The following ARMC9 variants were observed in gnomAD, a reference collection of about 807,000 sequenced individuals.
ARMC9 encodes lisH domain-containing protein ARMC9.
In ARMC9, 94 loss-of-function variants were observed where a neutral mutation model predicts 107.0. The ratio of observed to expected loss-of-function variants is 0.88; its 90% confidence interval spans 0.74 to 1.04. The LOEUF (loss-of-function observed/expected upper bound fraction) is 1.04, where lower values mean the gene tolerates loss of function less well. Ranked by LOEUF, ARMC9 falls within the 50% of genes least tolerant of loss-of-function variation. The pLI is 0.00. For missense variants in ARMC9, 942 were observed against 1,030.1 expected (o/e 0.91, Z 1.17); for synonymous variants, 380 against 396.9 (o/e 0.96, Z 0.51).
chr2:231,251,847 T>C (rs192205857), intron 9 of ARMC9, among the ~76,000 whole-genome samples: 5 of 152,262 alleles, frequency 3.3e-5, no homozygotes, highest in Admixed American at 3.3e-4. Flanking sequence ...CACCTCAGCC[T>C]CCCGAGTAGC....
At position 231,369,956 on chromosome 2, in the gene ARMC9, A is replaced by C; in HGVS notation, c.2265A>C (p.Glu755Asp). 6.6e-7 allele frequency: 1 copy of C among 1,507,880 alleles called. No individual in the cohort carries two copies. Among genetic ancestry groups the C allele is most frequent in the South Asian group, 1.2e-5 (1 of 81,034 alleles). 93.4% of individuals were successfully genotyped at this position (1,507,880 alleles called of 1,614,324 possible). ...CAGGTTGCACGTTTTGTTCTAGGGAATGTGCATCAGCCTTCACCTGCAAGC... is the reference window on the plus strand; with the variant it reads ...CAGGTTGCACGTTTTGTTCTAGGGACTGTGCATCAGCCTTCACCTGCAAGC... ...QDPGNGVTTRECASAFTCKPR... is the reference protein window; with the variant it reads ...QDPGNGVTTRDCASAFTCKPR... Residue 755 changes from glutamate (E) to aspartate (D), a missense_variant, in exon 24 of 25, where the codon GAA (glutamate) becomes GAC (aspartate). Physicochemically the swap from Glu to Asp is conservative, Grantham distance 45. Coordinates refer to ENST00000611582, the MANE Select transcript of ARMC9 (RefSeq NM_001352754.2).
intron 21 of ARMC9, among the ~76,000 whole-genome samples, chr2:231,353,976 TATATACACACACACACAC>T (rs143918706): frequency 3.2e-5 from 4 of 125,462 alleles, no homozygotes; most frequent in African/African-American, 2.1e-4. Context: ...CATATATGTA[TATATACACACACACACAC>T]ACACACACAC....
intron 23 of ARMC9, among the ~76,000 whole-genome samples, chr2:231,369,174 G>A (rs138691982): frequency 6.6e-6 from 1 of 152,374 alleles, no homozygotes; most frequent in African/African-American, 2.4e-5. Context: ...TCACCATCTG[G>A]AGAGCGGTGG....
At chr2:231,363,126 AG>A (rs932355417) in intron 23 of ARMC9, among the ~76,000 whole-genome samples, 2 of 152,216 alleles carry the variant, frequency 1.3e-5, no homozygotes, top group African/African-American at 4.8e-5. Flanking sequence ...CAGGGAATGC[AG>A]GGCATGCAGG....
chr2:231,364,764 C>CTCCA (rs1304238789), intron 23 of ARMC9, among the ~76,000 whole-genome samples: 1 of 151,848 alleles, frequency 6.6e-6, no homozygotes, highest in African/African-American at 2.4e-5. Flanking sequence ...CACCATTGCA[C>CTCCA]TCCAGCCTGG....
chr2:231,294,643 AAG>A (rs1293958328), intron 18 of ARMC9: 1 of 153,054 alleles, frequency 6.5e-6, no homozygotes, highest in Non-Finnish European at 1.5e-5. Flanking sequence ...GAGGCAGAGA[AAG>A]AGAAGCGTGG....
At chr2:231,309,953 A>G (rs1358373029) in intron 19 of ARMC9, among the ~76,000 whole-genome samples, 1 of 152,160 alleles carries the variant, frequency 6.6e-6, no homozygotes, top group Non-Finnish European at 1.5e-5. Context: ...CATCCATGTT[A>G]TGTAAAATAT....
chr2:231,286,671 A>G (rs2040610860), intron 17 of ARMC9, among the ~76,000 whole-genome samples: 1 of 152,214 alleles, frequency 6.6e-6, no homozygotes, highest in African/African-American at 2.4e-5. Context: ...ATTAATATCT[A>G]TTGAAGATGA....
At chr2:231,316,516 G>A (rs570304765) in intron 19 of ARMC9, among the ~76,000 whole-genome samples, 49 of 151,812 alleles carry the variant, frequency 3.2e-4, no homozygotes, top group Admixed American at 6.6e-4. Flanking sequence ...TAAAAAATTA[G>A]CCAAGCGTGG....
intron 19 of ARMC9, 117 bp from the exon 20 acceptor site, chr2:231,331,676 G>A (rs1293928169): frequency 2.4e-6 from 2 of 818,532 alleles, no homozygotes; most frequent in African/African-American, 3.4e-5. Flanking sequence ...AAGCCTGCAA[G>A]TTGCTGTGAT....
At chr2:231,355,729 A>T (rs573738177) in intron 21 of ARMC9, 69 bp from the exon 22 acceptor site, 56 of 1,300,912 alleles carry the variant, frequency 4.3e-5, no homozygotes, top group African/African-American at 1.1e-4. Flanking sequence ...GTGATGCTGC[A>T]GTCGGCAGTC....
At chr2:231,335,912 C>G (rs1378313642) in intron 20 of ARMC9, among the ~76,000 whole-genome samples, 1 of 151,816 alleles carries the variant, frequency 6.6e-6, no homozygotes, top group African/African-American at 2.4e-5. Context: ...CTTGTCTTTC[C>G]TAAAATTTTT....
intron 12 of ARMC9, among the ~76,000 whole-genome samples, chr2:231,268,380 A>G (rs1472545878): frequency 6.6e-6 from 1 of 152,182 alleles, no homozygotes; most frequent in African/African-American, 2.4e-5. Context: ...TGTAATGGTA[A>G]TAGGCATCTT....
intron 3 of ARMC9, among the ~76,000 whole-genome samples, chr2:231,208,477 A>G (rs2032354996): frequency 6.6e-6 from 1 of 152,250 alleles, no homozygotes; most frequent in South Asian, 2.1e-4. Flanking sequence ...TTTCTTGGGA[A>G]GAAGGAAAAG....
At chr2:231,235,413 G>T in intron 8 of ARMC9, 32 bp downstream of exon 8, 1 of 1,611,798 alleles carries the variant, frequency 6.2e-7, no homozygotes, top group South Asian at 1.1e-5. Flanking sequence ...GTGTATGTCT[G>T]TTTGGCAATG....
rs748308534 is a variant in ARMC9, at chr2:231,278,366, G to C, written c.1475-16G>C. On this transcript the variant is annotated splice_polypyrimidine_tract_variant and intron_variant, in intron 15 of 24. Coordinates refer to ENST00000611582, the MANE Select transcript of ARMC9 (RefSeq NM_001352754.2). ...GTTTAGACATGTCATGTTTAGCTTT[G>C]ATTTGTTTCCCATAGGGAAGAACAT... is the stretch of plus-strand genomic sequence containing the variant. 3 of 1,613,632 alleles carry C rather than the reference G, an allele frequency of 1.9e-6. No individual in the cohort carries two copies. Among genetic ancestry groups the C allele is most frequent in the East Asian group, 4.5e-5 (2 of 44,884 alleles).
At chr2:231,211,007 C>A (rs1488022356) in intron 3 of ARMC9, among the ~76,000 whole-genome samples, 2 of 152,074 alleles carry the variant, frequency 1.3e-5, no homozygotes, top group Non-Finnish European at 2.9e-5. Flanking sequence ...ATGCAGTATT[C>A]GTCTTTCTGT....
chr2:231,375,823 G>C lies in ARMC9; in HGVS notation c.*4288G>C, dbSNP rs1473371792. Among the ~76,000 whole-genome samples the C allele has an allele frequency of 6.6e-6, 1 of 152,156 alleles. No individual in the cohort carries two copies. Among genetic ancestry groups the C allele is most frequent in the Non-Finnish European group, 1.5e-5 (1 of 68,038 alleles). On this transcript the variant is annotated 3_prime_UTR_variant, in exon 25 of 25. Transcript: ENST00000611582. This position sits in a 1 kb window ranked among gnomAD's most constrained non-coding sequence, Gnocchi z 4.3. Reference sequence around the variant, plus strand: ...TCTCAGAAGGGGGACTAGAGAAATAGGAAACTGGGGACAGAACCCGGGGGT... The same window carrying C: ...TCTCAGAAGGGGGACTAGAGAAATACGAAACTGGGGACAGAACCCGGGGGT...
chr2:231,324,498 T>C lies in ARMC9; in HGVS notation c.1774-7295T>C, dbSNP rs185374723. Among the ~76,000 whole-genome samples, 450 of 144,308 alleles carry C rather than the reference T, an allele frequency of 3.1e-3. 3 individuals are homozygous for C. Among genetic ancestry groups the C allele is most frequent in the African/African-American group, 0.011 (438 of 39,552 alleles). The allele number at this position is 144,308 out of a possible 152,430, so 94.7% of individuals were successfully genotyped here. ...CAAGCACAGTGGCTCACGCCTGTAA[T>C]CCCAGCACTTCGGGAGGCCAAGGTG... On this transcript the variant is annotated intron_variant, in intron 19 of 24. Transcript: ENST00000611582.
Sources: allele counts gnomAD v4.1 joint callset (sites outside exome capture counted in the v4.1 genomes callset), GRCh38; gene constraint gnomAD v4.1.1; non-coding constraint Gnocchi (gnomAD v3.1); transcripts MANE v1.5; gene names NCBI Gene and HGNC (gene_info 2026-07-23, HGNC 2026-07-21).